Variants in ATP6V0E1 observed in about 807,000 individuals in gnomAD.
The protein encoded by ATP6V0E1 is V-type proton ATPase subunit e 1.
ATP6V0E1 carries 4 observed loss-of-function variants against 11.6 expected under a neutral mutation model. That is an observed-to-expected ratio of 0.35 (90% CI 0.17 to 0.79). The LOEUF is 0.79. Ranked by LOEUF, ATP6V0E1 falls within the 30% of genes least tolerant of loss-of-function variation. The pLI is 0.54. For missense variants in ATP6V0E1, 105 were observed against 100.0 expected (o/e 1.05, Z -0.21); for synonymous variants, 36 against 34.8 (o/e 1.04, Z -0.13).
intron 2 of ATP6V0E1, among the ~76,000 whole-genome samples, chr5:173,006,451 A>T (rs1029851260): frequency 6.6e-6 from 1 of 152,192 alleles, no homozygotes; most frequent in Non-Finnish European, 1.5e-5. Flanking sequence ...TCTACTAAAA[A>T]TACAAAAAAT....
At chr5:173,009,910 C>T (rs552128557) in intron 2 of ATP6V0E1, among the ~76,000 whole-genome samples, 37 of 151,666 alleles carry the variant, frequency 2.4e-4, no homozygotes, top group Admixed American at 3.9e-4. Context: ...ATTACAGGCA[C>T]GTGCCACCAC....
intron 1 of ATP6V0E1, among the ~76,000 whole-genome samples, chr5:172,993,632 A>G (rs908841816): frequency 6.6e-6 from 1 of 151,218 alleles, no homozygotes; most frequent in African/African-American, 2.4e-5. Flanking sequence ...AGGCAGGAGT[A>G]TCACTTGAGG....
At chr5:173,024,325 AT>A (rs1301779928) in intron 3 of ATP6V0E1, among the ~76,000 whole-genome samples, 2 of 151,492 alleles carry the variant, frequency 1.3e-5, no homozygotes, top group East Asian at 3.9e-4. Flanking sequence ...ATTCAATGAG[AT>A]TTTTTTTAAA....
At chr5:173,026,560 A>G (rs1756561229) in intron 3 of ATP6V0E1, among the ~76,000 whole-genome samples, 1 of 152,216 alleles carries the variant, frequency 6.6e-6, no homozygotes, top group South Asian at 2.1e-4. Context: ...GCTGTTACAG[A>G]ACAGATATCA....
chr5:172,987,311 TCTCA>T (rs1463497726), intron 1 of ATP6V0E1: 2 of 150,638 alleles, frequency 1.3e-5, no homozygotes, highest in African/African-American at 5.0e-5. Flanking sequence ...TGAGATGGAC[TCTCA>T]CTCTTTTGTC....
Position 172,993,850 on chromosome 5 carries a change from G to A in ATP6V0E1, c.105-925G>A, listed in dbSNP as rs570158492. Among the ~76,000 whole-genome samples, 11 of 152,202 alleles carry A rather than the reference G, an allele frequency of 7.2e-5. No individual in the cohort carries two copies. The East Asian group carries it at 9.6e-4, about 13-fold the overall frequency. ...CATGCCACTGCACTCTAGCCTGGGC[G>A]ACAGAGACCCTGTCTCTTAAAAAAA... On this transcript the variant is annotated intron_variant, in intron 1 of 3. Coordinates refer to ENST00000519374, the MANE Select transcript of ATP6V0E1 (RefSeq NM_003945.4).
At chr5:172,989,495 C>T (rs1237944961) in intron 1 of ATP6V0E1, among the ~76,000 whole-genome samples, 1 of 152,110 alleles carries the variant, frequency 6.6e-6, no homozygotes, top group Non-Finnish European at 1.5e-5. Context: ...TTCTTTCCTC[C>T]TCACAGGGTT....
At chr5:172,994,214 G>A (rs909136491) in intron 1 of ATP6V0E1, among the ~76,000 whole-genome samples, 1 of 152,078 alleles carries the variant, frequency 6.6e-6, no homozygotes, top group African/African-American at 2.4e-5. Context: ...TGGATGTGAG[G>A]GTGGGTCGGT....
At chr5:173,031,286 G>A (rs995278622) in intron 3 of ATP6V0E1, among the ~76,000 whole-genome samples, 7 of 150,620 alleles carry the variant, frequency 4.6e-5, no homozygotes, top group East Asian at 2.0e-4. Flanking sequence ...GGTACATCAT[G>A]TTGTCCAGGC....
chr5:173,024,779 A>G (rs1756530766), intron 3 of ATP6V0E1, among the ~76,000 whole-genome samples: 1 of 151,852 alleles, frequency 6.6e-6, no homozygotes, highest in Middle Eastern at 3.2e-3. Context: ...TCTTAAGTTT[A>G]CATTAGTATT....
At chr5:173,017,515 C>T (rs1756419134) in intron 2 of ATP6V0E1, among the ~76,000 whole-genome samples, 5 of 125,798 alleles carry the variant, frequency 4.0e-5, no homozygotes, top group South Asian at 2.6e-4. Context: ...GCCTGGGTGA[C>T]GAGAGTGAGA....
chr5:173,030,203 G>A (rs1003652587), intron 3 of ATP6V0E1, among the ~76,000 whole-genome samples: 3 of 151,926 alleles, frequency 2.0e-5, no homozygotes, highest in African/African-American at 7.3e-5. Context: ...CATTCATTTG[G>A]TACATTGCCT....
At chr5:173,029,585 G>A (rs1756616965) in intron 3 of ATP6V0E1, among the ~76,000 whole-genome samples, 1 of 151,996 alleles carries the variant, frequency 6.6e-6, no homozygotes, top group Non-Finnish European at 1.5e-5. Flanking sequence ...TATCTTCCTG[G>A]TGTAGCACTT....
intron 3 of ATP6V0E1, among the ~76,000 whole-genome samples, chr5:173,031,822 C>CAAA (rs34167312): frequency 2.5e-5 from 3 of 119,464 alleles, no homozygotes; most frequent in South Asian, 2.6e-4. Flanking sequence ...GACTCTGCCT[C>CAAA]AAAAAAAAAA....
At chr5:173,024,342 AAT>A (rs1457440039) in intron 3 of ATP6V0E1, among the ~76,000 whole-genome samples, 1 of 151,882 alleles carries the variant, frequency 6.6e-6, no homozygotes, top group African/African-American at 2.4e-5. Context: ...TTAAATTTTA[AAT>A]AATTATATTT....
rs1284110081 is a variant in ATP6V0E1, at chr5:173,031,441, C to T, written c.*37-2958C>T. Among the ~76,000 whole-genome samples, 9 of 134,042 alleles carry T rather than the reference C, an allele frequency of 6.7e-5. No individual in the cohort carries two copies. The South Asian group carries it at 1.2e-3, about 18-fold the overall frequency. 87.9% of individuals were successfully genotyped at this position (134,042 alleles called of 152,430 possible). A position where few individuals can be genotyped will look rare whatever the true frequency, so the allele number is the denominator to read the frequency against. On this transcript the variant is annotated intron_variant, in intron 3 of 3. Coordinates refer to ENST00000519374, the MANE Select transcript of ATP6V0E1 (RefSeq NM_003945.4). ...ACTCTTTTTTTTTTTTTTTTTGAGA[C>T]GTGCAAAATGAGAACATGGACCCTT...
rs769559368 is a variant in ATP6V0E1, at chr5:173,020,225, A to C, written c.153-13A>C. Reference sequence around the variant, plus strand: ...TTCACCGCTTCGTTGTTTCTCTCCCATCCTTCTTTTAGTTGGCTGATTGCA... The same window carrying C: ...TTCACCGCTTCGTTGTTTCTCTCCCCTCCTTCTTTTAGTTGGCTGATTGCA... On this transcript the variant is annotated splice_polypyrimidine_tract_variant and intron_variant, in intron 2 of 3. Transcript: ENST00000519374. 1.2e-6 allele frequency: 2 copies of C among 1,604,470 alleles called. No individual in the cohort carries two copies. Among genetic ancestry groups the C allele is most frequent in the Non-Finnish European group, 1.7e-6 (2 of 1,171,408 alleles).
chr5:172,985,013 A>G (rs573800466), intron 1 of ATP6V0E1, among the ~76,000 whole-genome samples: 159 of 152,232 alleles, frequency 1.0e-3, no homozygotes, highest in Admixed American at 2.5e-3. Context: ...TTGGGAGGCC[A>G]AGGCGGGCGG....
intron 2 of ATP6V0E1, among the ~76,000 whole-genome samples, chr5:173,008,705 C>G (rs376069350): frequency 6.7e-6 from 1 of 148,376 alleles, no homozygotes; most frequent in African/African-American, 2.5e-5. Flanking sequence ...GTCAGGAGAT[C>G]GAGACCATCC....
Sources: gnomAD v4.1 joint callset for allele counts (sites outside exome capture counted in the v4.1 genomes callset) on GRCh38, gnomAD v4.1.1 for gene constraint, MANE v1.5 for transcripts, NCBI Gene and HGNC (gene_info 2026-07-23, HGNC 2026-07-21) for gene names.